Variants in CA8 observed in about 807,000 individuals in gnomAD.
CA8 encodes carbonic anhydrase-related protein.
CA8 carries 22 observed loss-of-function variants against 41.4 expected under a neutral mutation model. That is an observed-to-expected ratio of 0.53 (90% CI 0.38 to 0.76). The LOEUF is 0.76. Ranked by LOEUF, CA8 falls within the 30% of genes least tolerant of loss-of-function variation. CA8 has a pLI of 0.00. For missense variants in CA8, 270 were observed against 352.8 expected (o/e 0.77, Z 1.88); for synonymous variants, 121 against 130.6 (o/e 0.93, Z 0.50).
chr8:60,202,052 T>A (rs536380129), intron 8 of CA8, among the ~76,000 whole-genome samples: 332 of 151,944 alleles, frequency 2.2e-3, no homozygotes, highest in Non-Finnish European at 4.0e-3. Context: ...AGTTTCTTTT[T>A]TTTTTTTTTG....
chr8:60,268,486 C>T (rs1312686853), intron 2 of CA8, among the ~76,000 whole-genome samples: 1 of 152,172 alleles, frequency 6.6e-6, no homozygotes, highest in Non-Finnish European at 1.5e-5. Context: ...AAAATATACT[C>T]CCCGCATGAC....
At chr8:60,244,493 T>C (rs183288201) in intron 3 of CA8, among the ~76,000 whole-genome samples, 83 of 152,364 alleles carry the variant, frequency 5.4e-4, no homozygotes, top group Non-Finnish European at 9.8e-4. Context: ...ATTTCAGGTG[T>C]GTTGGTGATA....
intron 2 of CA8, among the ~76,000 whole-genome samples, chr8:60,271,510 A>C (rs1318277760): frequency 6.6e-6 from 1 of 152,254 alleles, no homozygotes; most frequent in Non-Finnish European, 1.5e-5. Flanking sequence ...ACTGTTAAAA[A>C]GTTGCCATGT....
At chr8:60,280,592 T>C (rs1804378266) in intron 1 of CA8, among the ~76,000 whole-genome samples, 1 of 152,216 alleles carries the variant, frequency 6.6e-6, no homozygotes, top group South Asian at 2.1e-4. Flanking sequence ...GACTTGAGCA[T>C]TGCTAGCAGG....
rs777564991 is a variant in CA8, at chr8:60,224,523, A to C, written c.625+14T>G. 10 of 1,499,822 alleles carry C rather than the reference A, an allele frequency of 6.7e-6. No homozygotes were observed. Among genetic ancestry groups the C allele is most frequent in the Non-Finnish European group, 9.3e-6 (10 of 1,077,476 alleles). The allele number at this position is 1,499,822 out of a possible 1,614,324, so 92.9% of individuals were successfully genotyped here. On this transcript the variant is annotated intron_variant, in intron 6 of 8. Transcript: ENST00000317995. ...CAGTTAAAATTCATTTTATGCAATC[A>C]GGTAAATACTCACCTGGTAATAAAG...
chr8:60,213,865 C>T (rs1806925208), intron 7 of CA8, among the ~76,000 whole-genome samples: 1 of 152,136 alleles, frequency 6.6e-6, no homozygotes, highest in East Asian at 1.9e-4. Flanking sequence ...TTCACACGCA[C>T]CTTCAGGACC....
chr8:60,251,808 G>A (rs6471854), intron 3 of CA8, among the ~76,000 whole-genome samples: 128,100 of 152,184 alleles, frequency 0.84, 54,059 homozygotes, highest in African/African-American at 0.9. Flanking sequence ...ATTAGAGTAG[G>A]GCAATCAAGT....
intron 7 of CA8, among the ~76,000 whole-genome samples, chr8:60,221,512 G>A (rs1009890327): frequency 1.3e-5 from 2 of 152,192 alleles, no homozygotes; most frequent in Non-Finnish European, 2.9e-5. Context: ...CCCCTGTTCA[G>A]TGTGATGACA....
intron 4 of CA8, among the ~76,000 whole-genome samples, chr8:60,228,141 A>G (rs1014239721): frequency 2.0e-5 from 3 of 152,248 alleles, no homozygotes; most frequent in African/African-American, 7.2e-5. Context: ...AAGGGAGAGG[A>G]GAGAGACAAG....
chr8:60,252,366 G>C (rs1344962062), intron 3 of CA8, among the ~76,000 whole-genome samples: 1 of 152,202 alleles, frequency 6.6e-6, no homozygotes, highest in Non-Finnish European at 1.5e-5. Flanking sequence ...ATAGTACCCT[G>C]TGAATATCAA....
In CA8 at chr8:60,222,774, G is replaced by A. The variant is rs751512484; in HGVS notation, c.626-13C>T. On this transcript the variant is annotated splice_polypyrimidine_tract_variant and intron_variant, in intron 6 of 8. Transcript: ENST00000317995. ...CGCAGCAGAGGGTCTGCACAGCCAC[G>A]TGGACATGTAATGGAAAAGGCAAGT... 36 of 1,521,328 alleles carry A rather than the reference G, an allele frequency of 2.4e-5. No homozygotes were observed. Among genetic ancestry groups the A allele is most frequent in the Non-Finnish European group, 2.2e-5 (24 of 1,095,484 alleles). 94.2% of individuals were successfully genotyped at this position (1,521,328 alleles called of 1,614,324 possible). A position where few individuals can be genotyped will look rare whatever the true frequency, so the allele number is the denominator to read the frequency against.
rs575697435 is a variant in CA8, at chr8:60,247,975, T to C, written c.418-15596A>G. ...ACTGGTGTGAGATGGTATCTCATTA[T>C]GGTTTTGATTTGCGTTTCTCTAATG... On this transcript the variant is annotated intron_variant, in intron 3 of 8. Coordinates refer to ENST00000317995, the MANE Select transcript of CA8 (RefSeq NM_004056.6). Among the ~76,000 whole-genome samples the C allele has an allele frequency of 1.2e-3, 184 of 152,356 alleles. 1 individual carries two copies. The highest frequency in any genetic ancestry group is 4.3e-3 in the African/African-American group (177 of 41,594).
chr8:60,275,369 G>C (rs917395983), intron 2 of CA8, among the ~76,000 whole-genome samples: 2 of 151,770 alleles, frequency 1.3e-5, no homozygotes, highest in African/African-American at 4.8e-5. Context: ...GAAACCCAGA[G>C]TAAACAGAGA....
chr8:60,247,029 G>A (rs377308221), intron 3 of CA8, among the ~76,000 whole-genome samples: 3 of 151,232 alleles, frequency 2.0e-5, no homozygotes, highest in Non-Finnish European at 1.5e-5. Flanking sequence ...GACTACAGGC[G>A]CCCGCCAATA....
At chr8:60,229,605 C>A (rs1220890972) in intron 4 of CA8, among the ~76,000 whole-genome samples, 1 of 152,204 alleles carries the variant, frequency 6.6e-6, no homozygotes, top group African/African-American at 2.4e-5. Flanking sequence ...TGGCCTTCTG[C>A]CCCATTCCAC....
rs114888544 is a variant in CA8, at chr8:60,265,729, G to A, written c.417+196C>T. The A allele has an allele frequency of 0.014, 8,375 of 603,934 alleles. 407 individuals carry two copies. Among genetic ancestry groups the A allele is most frequent in the African/African-American group, 0.11 (6,121 of 53,886 alleles). 37.4% of individuals were successfully genotyped at this position (603,934 alleles called of 1,614,324 possible). On this transcript the variant is annotated intron_variant, in intron 3 of 8. Coordinates refer to ENST00000317995, the MANE Select transcript of CA8 (RefSeq NM_004056.6). ...TCTGGCCATGTGCTCATGCGCACAC[G>A]CCAAGCCACGAGAGTAGACAGGAGG...
At chr8:60,198,183 T>C (rs1806331260) in intron 8 of CA8, among the ~76,000 whole-genome samples, 1 of 152,166 alleles carries the variant, frequency 6.6e-6, no homozygotes, top group Admixed American at 6.5e-5. Context: ...CTCTGCACTT[T>C]ACTGGCTGTG....
At chr8:60,243,991 A>G (rs1228900748) in intron 3 of CA8, among the ~76,000 whole-genome samples, 1 of 152,140 alleles carries the variant, frequency 6.6e-6, no homozygotes, top group Non-Finnish European at 1.5e-5. Flanking sequence ...ATATCCCTTT[A>G]TTAAACTGCC....
intron 3 of CA8, among the ~76,000 whole-genome samples, chr8:60,249,900 G>T (rs1808386563): frequency 6.6e-6 from 1 of 152,118 alleles, no homozygotes. Flanking sequence ...TTCAAGAATG[G>T]ATTGATTACT....
Sources: gnomAD v4.1 joint callset for allele counts (sites outside exome capture counted in the v4.1 genomes callset) on GRCh38, gnomAD v4.1.1 for gene constraint, MANE v1.5 for transcripts, NCBI Gene and HGNC (gene_info 2026-07-23, HGNC 2026-07-21) for gene names.